SNX27: variants seen among roughly 807,000 people sequenced by gnomAD.
The protein encoded by SNX27 is sorting nexin-27.
Under a neutral mutation model 71.6 loss-of-function variants are expected in SNX27, and 22 were observed. The observed-to-expected ratio is 0.31, with a 90% CI of 0.22 to 0.44. SNX27 has a LOEUF of 0.44. SNX27 is among the 20% of genes least tolerant of loss of function. The pLI, the probability that SNX27 is intolerant of heterozygous loss-of-function variation, is 1.00. For synonymous variants in SNX27, 269 were observed against 277.2 expected, an observed-to-expected ratio of 0.97 and a Z score of 0.29; for missense variants, 531 against 698.6, an observed-to-expected ratio of 0.76 and a Z score of 2.70.
intron 8 of SNX27, among the ~76,000 whole-genome samples, chr1:151,689,738 G>C (rs940752475): frequency 6.6e-6 from 1 of 152,182 alleles, no homozygotes. Flanking sequence ...GCTGCTTATC[G>C]AGCATGTAAA....
rs1667204197 is a variant in SNX27 at position 151,612,206 on chromosome 1, C to A, written c.5C>A (p.Ala2Glu). The A allele has an allele frequency of 3.0e-6, 4 of 1,345,656 alleles. No individual in the cohort carries two copies. The highest frequency in any genetic ancestry group is 1.8e-5 in the South Asian group (1 of 55,970). The allele number at this position is 1,345,656 out of a possible 1,614,324, so 83.4% of individuals were successfully genotyped here. A position where few individuals can be genotyped will look rare whatever the true frequency, so the allele number is the denominator to read the frequency against. Residue 2 changes from alanine to glutamate, a missense_variant, in exon 1 of 12, where the codon GCG (alanine) becomes GAG (glutamate). Physicochemically the swap from Ala to Glu is moderately radical, Grantham distance 107. Transcript: ENST00000458013. This position sits in a 1 kb window ranked among gnomAD's most constrained non-coding sequence, Gnocchi z 5.2. ...TACGGCTCGCCTGCTCGCAAGATGGCGGACGAGGACGGGGAAGGGATTCAT... is the reference window on the plus strand; with the variant it reads ...TACGGCTCGCCTGCTCGCAAGATGGAGGACGAGGACGGGGAAGGGATTCAT... M[A>E]DEDGEGIHPS... is the part of the protein sequence containing the mutation.
intron 1 of SNX27, among the ~76,000 whole-genome samples, chr1:151,626,599 G>T (rs1667953396): frequency 6.6e-6 from 1 of 152,128 alleles, no homozygotes; most frequent in Non-Finnish European, 1.5e-5. Context: ...CTACTTGGGA[G>T]GCTGAGGCAG....
intron 7 of SNX27, chr1:151,679,970 G>A (rs1316466298): frequency 6.6e-6 from 1 of 152,042 alleles, no homozygotes; most frequent in African/African-American, 2.4e-5. Flanking sequence ...AAAAGTAGTT[G>A]CTTTTGTGGA....
chr1:151,670,195 TC>T (rs1328391900), intron 7 of SNX27, among the ~76,000 whole-genome samples: 14 of 152,322 alleles, frequency 9.2e-5, no homozygotes, highest in African/African-American at 3.4e-4. Context: ...GACCTCCACT[TC>T]CATCCATGTT....
intron 2 of SNX27, among the ~76,000 whole-genome samples, chr1:151,652,235 A>AGGGAGG (rs1669440699): frequency 9.3e-6 from 1 of 106,976 alleles, no homozygotes; most frequent in Non-Finnish European, 2.0e-5. Context: ...GGAGAGGGAG[A>AGGGAGG]GGGAGAGGGA....
intron 2 of SNX27, among the ~76,000 whole-genome samples, chr1:151,646,217 A>G (rs1035590625): frequency 2.0e-5 from 3 of 152,074 alleles, no homozygotes; most frequent in African/African-American, 4.8e-5. Flanking sequence ...TTTCGTTGCT[A>G]TATTTTCCAT....
At chr1:151,683,796 A>G (rs1671073070) in intron 8 of SNX27, among the ~76,000 whole-genome samples, 1 of 152,086 alleles carries the variant, frequency 6.6e-6, no homozygotes, top group Non-Finnish European at 1.5e-5. Context: ...CTTCCCGAGT[A>G]GCTGGGACTA....
At chr1:151,674,692 CT>C (rs1218401207) in intron 7 of SNX27, among the ~76,000 whole-genome samples, 354 of 143,388 alleles carry the variant, frequency 2.5e-3, no homozygotes, top group Middle Eastern at 3.6e-3. Flanking sequence ...TTGATTGTTT[CT>C]TTTTTTTTTT....
chr1:151,693,562 G>A (rs771207569), intron 11 of SNX27, 79 bp downstream of exon 11: 1 of 1,612,270 alleles, frequency 6.2e-7, no homozygotes, highest in Non-Finnish European at 8.5e-7. Context: ...CCAAATACCT[G>A]GGACCCTCAC....
At position 151,612,388 on chromosome 1, in the gene SNX27, G is replaced by A; in HGVS notation, c.187G>A (p.Glu63Lys). 6.5e-7 allele frequency: 1 copy of A among 1,532,824 alleles called. No individual in the cohort carries two copies. The highest frequency in any genetic ancestry group is 8.8e-7 in the Non-Finnish European group (1 of 1,142,560). The allele number at this position is 1,532,824 out of a possible 1,614,324, so 95.0% of individuals were successfully genotyped here. ...YGFNVRGQVS[E>K]GGQLRSINGE... is the part of the protein sequence containing the mutation. Reference sequence around the variant, plus strand: ...CTTCAACGTGCGGGGCCAAGTGAGCGAGGGCGGGCAACTGCGGAGCATCAA... The same window carrying A: ...CTTCAACGTGCGGGGCCAAGTGAGCAAGGGCGGGCAACTGCGGAGCATCAA... Residue 63 changes from glutamate to lysine, a missense_variant, in exon 1 of 12, where the codon GAG (glutamate) becomes AAG (lysine). Physicochemically the swap from Glu to Lys is moderately conservative, Grantham distance 56. This residue lies in a region of SNX27 where 130 missense variants were observed against 143.5 expected (regional missense o/e 0.91). Transcript: ENST00000458013. The surrounding 1 kb of genome is among the most constrained non-coding windows in gnomAD (Gnocchi z 5.2).
chr1:151,613,139 C>A (rs1403926404), intron 1 of SNX27: 2 of 152,368 alleles, frequency 1.3e-5, no homozygotes, highest in African/African-American at 4.8e-5. Context: ...TTCCATCCCA[C>A]CGTGTGCCCC....
At chr1:151,643,584 C>T (rs1033585031) in intron 2 of SNX27, among the ~76,000 whole-genome samples, 9 of 152,158 alleles carry the variant, frequency 5.9e-5, no homozygotes, top group East Asian at 5.8e-4. Context: ...TGAGCCACTG[C>T]ACCCAGCCAT....
intron 3 of SNX27, chr1:151,659,541 C>G (rs1669863407): frequency 6.6e-6 from 1 of 152,340 alleles, no homozygotes; most frequent in Non-Finnish European, 1.5e-5. Flanking sequence ...ACCACTGCAC[C>G]TGACCCTGTA....
At chr1:151,671,112 C>T (rs1446765202) in intron 7 of SNX27, among the ~76,000 whole-genome samples, 1 of 152,152 alleles carries the variant, frequency 6.6e-6, no homozygotes, top group East Asian at 1.9e-4. Flanking sequence ...GGATTTGTTT[C>T]TCAGTTCTTT....
intron 1 of SNX27, chr1:151,629,307 A>G (rs1294505192): frequency 2.0e-5 from 3 of 151,994 alleles, no homozygotes; most frequent in Non-Finnish European, 4.4e-5. Context: ...GTTTGTGCTT[A>G]GCTTTTTTGT....
rs1671651554 is a variant in SNX27 at position 151,695,316 on chromosome 1, A to G, written c.*899A>G. On this transcript the variant is annotated 3_prime_UTR_variant, in exon 12 of 12. Transcript: ENST00000458013. Reference sequence around the variant, plus strand: ...CTTCCTGCTTTCCTAGAGCCTCGGTATGCTTTCCCTCAACCGACCCTGGCT... The same window carrying G: ...CTTCCTGCTTTCCTAGAGCCTCGGTGTGCTTTCCCTCAACCGACCCTGGCT... 1 of 147,304 alleles carries G rather than the reference A, an allele frequency of 6.8e-6. No individual in the cohort carries two copies. The highest frequency in any genetic ancestry group is 1.5e-5 in the Non-Finnish European group (1 of 67,394). The allele number at this position is 147,304 out of a possible 1,614,324, so 9.1% of individuals were successfully genotyped here.
chr1:151,681,435 G>A (rs1670949572), intron 7 of SNX27, among the ~76,000 whole-genome samples: 1 of 151,506 alleles, frequency 6.6e-6, no homozygotes, highest in Non-Finnish European at 1.5e-5. Flanking sequence ...GTAGAGACAG[G>A]GTTTCACCAT....
At chr1:151,649,840 G>C (rs1669241046) in intron 2 of SNX27, among the ~76,000 whole-genome samples, 1 of 152,056 alleles carries the variant, frequency 6.6e-6, no homozygotes, top group South Asian at 2.1e-4. Flanking sequence ...CGAGTAGCTG[G>C]AACTACAGGA....
At chr1:151,624,394 C>T in intron 1 of SNX27, among the ~76,000 whole-genome samples, 1 of 136,420 alleles carries the variant, frequency 7.3e-6, no homozygotes, top group African/African-American at 2.7e-5. Context: ...CTTTTTTTTT[C>T]TGAATAGCTT....
Sources: gnomAD v4.1 joint callset for allele counts (sites outside exome capture counted in the v4.1 genomes callset) on GRCh38, gnomAD v4.1.1 for gene constraint, gnomAD v4.1.1 regional missense constraint, Gnocchi (gnomAD v3.1) non-coding constraint, MANE v1.5 for transcripts, NCBI Gene and HGNC (gene_info 2026-07-23, HGNC 2026-07-21) for gene names.